LMF1: variants seen among roughly 807,000 people sequenced by gnomAD.
LMF1 encodes the protein lipase maturation factor 1.
LMF1 carries 68 observed loss-of-function variants against 60.6 expected under a neutral mutation model. The observed-to-expected ratio is 1.12, with a 90% CI of 0.92 to 1.37. The LOEUF (loss-of-function observed/expected upper bound fraction) is 1.37. LMF1 is among the 40% of genes most tolerant of loss of function. LMF1 has a pLI of 0.00. For synonymous variants in LMF1, 418 were observed against 324.7 expected, an observed-to-expected ratio of 1.29 and a Z score of -3.09; for missense variants, 948 against 767.2, an observed-to-expected ratio of 1.24 and a Z score of -2.78.
intron 3 of LMF1, among the ~76,000 whole-genome samples, chr16:919,936 C>T (rs1389516603): frequency 6.6e-6 from 1 of 152,216 alleles, no homozygotes; most frequent in Non-Finnish European, 1.5e-5. Context: ...TCCTTCCGGC[C>T]TCGGTCAAGA....
chr16:956,052 C>T (rs1255146172), intron 1 of LMF1, among the ~76,000 whole-genome samples: 2 of 135,502 alleles, frequency 1.5e-5, no homozygotes, highest in Non-Finnish European at 3.1e-5. Context: ...CGTCTCACGG[C>T]GCCCACCGCA....
chr16:871,573 C>G, intron 6 of LMF1: 1 of 571,288 alleles, frequency 1.8e-6, no homozygotes, highest in Admixed American at 3.1e-5. Flanking sequence ...CCTCCCATGA[C>G]TGCACATTTC....
At position 970,893 on chromosome 16, in the gene LMF1, G is replaced by A; in HGVS notation, c.88C>T (p.Pro30Ser). Residue 30 changes from proline (P) to serine (S), a missense_variant, in exon 1 of 11, where the codon CCG (proline) becomes TCG (serine). Coordinates refer to ENST00000262301, the MANE Select transcript of LMF1 (RefSeq NM_022773.4). ...GCGGGGCCACGCCCCGGCGCGGGCGGCGACTCAGGCTCCGGATCCGAGTAC... is the reference window on the plus strand; with the variant it reads ...GCGGGGCCACGCCCCGGCGCGGGCGACGACTCAGGCTCCGGATCCGAGTAC... The part of the protein sequence containing the change: ...TGYSDPEPES[P>S]PAPGRGPAGS... The A allele has an allele frequency of 1.3e-6, 2 of 1,577,342 alleles. No homozygotes were observed. The highest frequency in any genetic ancestry group is 1.7e-6 in the Non-Finnish European group (2 of 1,163,844).
chr16:957,122 G>C (rs1380155245), intron 1 of LMF1, among the ~76,000 whole-genome samples: 1 of 152,204 alleles, frequency 6.6e-6, no homozygotes, highest in Non-Finnish European at 1.5e-5. Flanking sequence ...TTGCACTCCA[G>C]CCTGGGCAAC....
At chr16:877,357 G>A (rs1212060593) in intron 6 of LMF1, among the ~76,000 whole-genome samples, 1 of 152,224 alleles carries the variant, frequency 6.6e-6, no homozygotes, top group African/African-American at 2.4e-5. Flanking sequence ...GTGTCCTACG[G>A]CCCGCAAGGG....
At chr16:911,175 G>C (rs1025157877) in intron 3 of LMF1, 96 bp from the exon 4 acceptor site, 3 of 1,386,332 alleles carry the variant, frequency 2.2e-6, no homozygotes, top group South Asian at 2.5e-5. Context: ...AACGGTCCTT[G>C]AGACAGGGCT....
At chr16:917,890 A>T (rs2071325963) in intron 3 of LMF1, among the ~76,000 whole-genome samples, 1 of 152,026 alleles carries the variant, frequency 6.6e-6, no homozygotes. Context: ...CTGCACAGGA[A>T]CCTCCAGAAC....
intron 1 of LMF1, chr16:968,483 C>T (rs1053333554): frequency 1.3e-5 from 2 of 152,184 alleles, no homozygotes; most frequent in Non-Finnish European, 2.9e-5. Flanking sequence ...TGGAAAAACC[C>T]TGGGATTCTG....
intron 4 of LMF1, among the ~76,000 whole-genome samples, chr16:896,334 C>T (rs1164761382): frequency 1.3e-5 from 2 of 152,220 alleles, no homozygotes; most frequent in Non-Finnish European, 2.9e-5. Flanking sequence ...TGTCTGGGTC[C>T]GGCATCGCCG....
At chr16:860,511 TTG>T (rs1218534445) in intron 10 of LMF1, among the ~76,000 whole-genome samples, 3 of 152,098 alleles carry the variant, frequency 2.0e-5, no homozygotes, top group African/African-American at 4.8e-5. Context: ...TGCTAATTTT[TTG>T]TGTTTTTAGT....
Position 869,370 on chromosome 16 carries a change from C to T in LMF1, c.1417-314G>A, listed in dbSNP as rs769122144. On this transcript the variant is annotated intron_variant, in intron 9 of 10. Transcript: ENST00000262301. The stretch of plus-strand genomic sequence containing the variant: ...AGTTTTCTGGTGGCTGAGACGGGAC[C>T]GGGAGGACAGAAACAGCAGCTCTGT... The T allele has an allele frequency of 2.8e-5, 17 of 611,372 alleles. 1 individual carries two copies. The highest frequency in any genetic ancestry group is 1.3e-4 in the Admixed American group (6 of 46,982). The allele number at this position is 611,372 out of a possible 1,614,324, so 37.9% of individuals were successfully genotyped here.
At chr16:883,721 T>C (rs574881637) in intron 5 of LMF1, 5 of 152,272 alleles carry the variant, frequency 3.3e-5, no homozygotes, top group East Asian at 3.9e-4. Context: ...GATAAACCTA[T>C]AGATTCAAGC....
In LMF1 at chr16:934,407, G is replaced by T; in HGVS notation, c.504-153C>A. On this transcript the variant is annotated intron_variant, in intron 2 of 10. Coordinates refer to ENST00000262301, the MANE Select transcript of LMF1 (RefSeq NM_022773.4). ...GAGGACCTGCCCGCTGGGCATTAGG[G>T]GAACAGGAGCCCCTCCCCACGGCTC... is the stretch of plus-strand genomic sequence containing the variant. 3 of 886,824 alleles carry T rather than the reference G, an allele frequency of 3.4e-6. No individual in the cohort carries two copies. The South Asian group carries it at 4.5e-5, about 13-fold the overall frequency. 54.9% of individuals were successfully genotyped at this position (886,824 alleles called of 1,614,324 possible).
At chr16:895,256 C>G (rs1459169899) in intron 4 of LMF1, among the ~76,000 whole-genome samples, 1 of 152,198 alleles carries the variant, frequency 6.6e-6, no homozygotes, top group Non-Finnish European at 1.5e-5. Context: ...GCTCCAGCCT[C>G]GGTCTCCTGC....
intron 3 of LMF1, among the ~76,000 whole-genome samples, chr16:931,217 G>A (rs905132449): frequency 6.6e-6 from 1 of 152,224 alleles, no homozygotes; most frequent in Non-Finnish European, 1.5e-5. Context: ...AAGGACTGGA[G>A]CTTTTTATTT....
At chr16:954,980 G>A (rs111312937) in intron 1 of LMF1, among the ~76,000 whole-genome samples, 5,665 of 75,742 alleles carry the variant, frequency 0.075, 124 homozygotes, top group African/African-American at 0.14. Flanking sequence ...ATATCTAAGT[G>A]AACCAGACAC....
At chr16:861,134 C>T (rs763113276) in intron 10 of LMF1, among the ~76,000 whole-genome samples, 16 of 152,074 alleles carry the variant, frequency 1.1e-4, no homozygotes, top group Non-Finnish European at 1.6e-4. Flanking sequence ...TGTGTGCTGA[C>T]GTCTTTCAGC....
rs2070068273 is a variant in LMF1, at chr16:878,709, G to A, written c.897+861C>T. Among the ~76,000 whole-genome samples, 1 of 150,496 alleles carries A rather than the reference G, an allele frequency of 6.6e-6. No individual in the cohort carries two copies. Among genetic ancestry groups the A allele is most frequent in the Non-Finnish European group, 1.5e-5 (1 of 67,788 alleles). ...ACGGAGCTTTGCCCCTCTAGGCGGC[G>A]GTGCTCTGGCAGGGGTGGGCAGGGC... On this transcript the variant is annotated intron_variant, in intron 6 of 10. Coordinates refer to ENST00000262301, the MANE Select transcript of LMF1 (RefSeq NM_022773.4). The surrounding 1 kb of genome is among the most constrained non-coding windows in gnomAD (Gnocchi z 5.2).
At chr16:913,923 G>A (rs1032759088) in intron 3 of LMF1, among the ~76,000 whole-genome samples, 5 of 152,174 alleles carry the variant, frequency 3.3e-5, no homozygotes, top group African/African-American at 9.7e-5. Flanking sequence ...CTGACGCCTC[G>A]GTTTATAATG....
Sources: gnomAD v4.1 joint callset for allele counts (sites outside exome capture counted in the v4.1 genomes callset) on GRCh38, gnomAD v4.1.1 for gene constraint, Gnocchi (gnomAD v3.1) non-coding constraint, MANE v1.5 for transcripts, NCBI Gene and HGNC (gene_info 2026-07-23, HGNC 2026-07-21) for gene names.